Variants in ADAM19 observed in about 807,000 individuals in gnomAD.
ADAM19 encodes disintegrin and metalloproteinase domain-containing protein 19.
In ADAM19, 65 loss-of-function variants were observed where a neutral mutation model predicts 114.7. The observed-to-expected ratio is 0.57, with a 90% CI of 0.46 to 0.70. The LOEUF (loss-of-function observed/expected upper bound fraction) is 0.70, where lower values mean the gene tolerates loss of function less well. ADAM19 is among the 30% of genes least tolerant of loss of function. ADAM19 has a pLI of 0.00. For missense variants in ADAM19, 1,063 were observed against 1,204.7 expected, an observed-to-expected ratio of 0.88 and a Z score of 1.74; for synonymous variants, 466 against 460.5, an observed-to-expected ratio of 1.01 and a Z score of -0.15.
chr5:157,532,305 C>G lies in ADAM19; in HGVS notation c.331-1422G>C, dbSNP rs191563698. 4.6e-5 allele frequency among the ~76,000 whole-genome samples: 7 copies of G among 152,318 alleles called. No individual in the cohort carries two copies. In the East Asian group the frequency reaches 1.4e-3, roughly 29 times the overall value. ...GGCTTATGGTCTTGTGAGAGGCAGT[C>G]ATTAATGAGAAATCCAAACAGATAT... is the stretch of plus-strand genomic sequence containing the variant. On this transcript the variant is annotated intron_variant, in intron 4 of 22. Coordinates refer to ENST00000257527, the MANE Select transcript of ADAM19 (RefSeq NM_033274.5).
chr5:157,505,827 T>G lies in ADAM19; in HGVS notation c.991-19A>C. ...AGTGGTCCTGCTCAGAAGACAGAGT[T>G]GAGGTCAAGGTCAAGGGGACAGATC... On this transcript the variant is annotated intron_variant, in intron 10 of 22. Coordinates refer to ENST00000257527, the MANE Select transcript of ADAM19 (RefSeq NM_033274.5). 5.0e-6 allele frequency: 8 copies of G among 1,611,550 alleles called. No homozygotes were observed. Among genetic ancestry groups the G allele is most frequent in the Non-Finnish European group, 6.8e-6 (8 of 1,178,102 alleles).
chr5:157,565,527 G>A (rs1019452699), intron 2 of ADAM19, among the ~76,000 whole-genome samples: 5 of 151,280 alleles, frequency 3.3e-5, no homozygotes, highest in Admixed American at 6.6e-5. Context: ...TGGCCAACAC[G>A]GTGAAACCCC....
intron 5 of ADAM19, among the ~76,000 whole-genome samples, chr5:157,526,828 C>T (rs1484913912): frequency 6.6e-6 from 1 of 152,056 alleles, no homozygotes; most frequent in Non-Finnish European, 1.5e-5. Flanking sequence ...GCCATGTCGG[C>T]CAGGTTGGTC....
At chr5:157,502,266 C>T (rs1443523618) in intron 12 of ADAM19, among the ~76,000 whole-genome samples, 1 of 152,218 alleles carries the variant, frequency 6.6e-6, no homozygotes, top group East Asian at 1.9e-4. Flanking sequence ...CGTGTACCCT[C>T]CACACTCACT....
chr5:157,489,035 G>GAAAAAAAT, intron 20 of ADAM19, 67 bp downstream of exon 20: 2 of 1,403,362 alleles, frequency 1.4e-6, no homozygotes, highest in Non-Finnish European at 2.0e-6. Context: ...ATCTCAAAAA[G>GAAAAAAAT]AAAAATACAG....
At chr5:157,482,303 GC>G (rs1754780138) in intron 21 of ADAM19, among the ~76,000 whole-genome samples, 1 of 152,062 alleles carries the variant, frequency 6.6e-6, no homozygotes, top group Non-Finnish European at 1.5e-5. Flanking sequence ...GGGGATATTA[GC>G]CCTCTGTCAG....
In ADAM19 at chr5:157,506,907, A is replaced by C. The variant is rs1429764980; in HGVS notation, c.990+149T>G. The C allele has an allele frequency of 7.7e-6, 5 of 647,456 alleles. No individual in the cohort carries two copies. In the African/African-American group the frequency reaches 9.2e-5, roughly 12 times the overall value. 40.1% of individuals were successfully genotyped at this position (647,456 alleles called of 1,614,324 possible). A position where few individuals can be genotyped will look rare whatever the true frequency, so the allele number is the denominator to read the frequency against. On this transcript the variant is annotated intron_variant, in intron 10 of 22. Coordinates refer to ENST00000257527, the MANE Select transcript of ADAM19 (RefSeq NM_033274.5). ...CAGTACCTCCATCTCTTAGAACTTA[A>C]TGACTTCATTTTAAACAATTGCCCT...
chr5:157,544,882 T>C (rs2113771725), intron 3 of ADAM19, among the ~76,000 whole-genome samples: 1 of 152,032 alleles, frequency 6.6e-6, no homozygotes, highest in South Asian at 2.1e-4. Context: ...GAAAGACGAA[T>C]GTAAGAGGGT....
chr5:157,538,179 A>G (rs1327643309), intron 3 of ADAM19, among the ~76,000 whole-genome samples, 188 bp from the exon 4 acceptor site: 1 of 152,156 alleles, frequency 6.6e-6, no homozygotes, highest in African/African-American at 2.4e-5. Flanking sequence ...TTTATATTTA[A>G]TGTAAATTAA....
intron 14 of ADAM19, among the ~76,000 whole-genome samples, chr5:157,495,790 C>T (rs907250614): frequency 1.3e-5 from 2 of 152,084 alleles, no homozygotes; most frequent in South Asian, 2.1e-4. Context: ...TCCACCACCA[C>T]GCCTGGCTAA....
At position 157,520,043 on chromosome 5, in the gene ADAM19, A is replaced by G. The variant is rs1468421769; in HGVS notation, c.408-12T>C. On this transcript the variant is annotated splice_polypyrimidine_tract_variant and intron_variant, in intron 5 of 22. Coordinates refer to ENST00000257527, the MANE Select transcript of ADAM19 (RefSeq NM_033274.5). ...CCGTAATCAGTCCTCTGTTGAGAGGAGAAATAGAATCTCTGGTCAAAGATT... is the reference window on the plus strand; with the variant it reads ...CCGTAATCAGTCCTCTGTTGAGAGGGGAAATAGAATCTCTGGTCAAAGATT... 1 of 1,595,940 alleles carries G rather than the reference A, an allele frequency of 6.3e-7. No homozygotes were observed. The highest frequency in any genetic ancestry group is 1.1e-5 in the South Asian group (1 of 89,832).
At chr5:157,563,418 T>C (rs1319843609) in intron 3 of ADAM19, among the ~76,000 whole-genome samples, 1 of 152,178 alleles carries the variant, frequency 6.6e-6, no homozygotes, top group African/African-American at 2.4e-5. Flanking sequence ...AATTATATTC[T>C]CCCTTTCCAC....
rs36056270 is a variant in ADAM19 at position 157,478,290 on chromosome 5, C to CAA, written c.*2657_*2658dup. ...CAGCAAACAGCCCCTCCCCTGGAGA[C>CAA]AAAAAAAAAAAAAAAAAAAAAAAGG... On this transcript the variant is annotated 3_prime_UTR_variant, in exon 23 of 23. Transcript: ENST00000257527. 515 of 69,348 alleles carry CAA rather than the reference C, an allele frequency of 7.4e-3. 6 individuals are homozygous for CAA. In the East Asian group the frequency reaches 0.093, roughly 13 times the overall value. The allele number at this position is 69,348 out of a possible 1,614,324, so 4.3% of individuals were successfully genotyped here.
chr5:157,531,342 T>C (rs542542436), intron 4 of ADAM19, among the ~76,000 whole-genome samples: 152 of 152,222 alleles, frequency 1.0e-3, no homozygotes, highest in Non-Finnish European at 1.9e-3. Flanking sequence ...TATTTGGAAA[T>C]AGGGTCTTGC....
At position 157,480,084 on chromosome 5, in the gene ADAM19, C is replaced by A. The variant is rs545119162; in HGVS notation, c.*865G>T. The stretch of plus-strand genomic sequence containing the variant: ...CACAAGCACCTGGTCACCCGAAGGT[C>A]AGGACTGCTGAGGGTTTGCTCACCA... On this transcript the variant is annotated 3_prime_UTR_variant, in exon 23 of 23. Coordinates refer to ENST00000257527, the MANE Select transcript of ADAM19 (RefSeq NM_033274.5). 2.0e-6 allele frequency: 2 copies of A among 985,916 alleles called. No homozygotes were observed. Among genetic ancestry groups the A allele is most frequent in the South Asian group, 9.4e-5 (2 of 21,282 alleles). The allele number at this position is 985,916 out of a possible 1,614,324, so 61.1% of individuals were successfully genotyped here. A position where few individuals can be genotyped will look rare whatever the true frequency, so the allele number is the denominator to read the frequency against.
At chr5:157,566,531 C>A (rs545532011) in intron 2 of ADAM19, 4 of 152,298 alleles carry the variant, frequency 2.6e-5, no homozygotes, top group African/African-American at 7.2e-5. Context: ...AAAACCAAGT[C>A]ATAATAAATC....
intron 5 of ADAM19, among the ~76,000 whole-genome samples, chr5:157,529,337 G>A (rs1756561705): frequency 6.6e-6 from 1 of 150,866 alleles, no homozygotes; most frequent in Non-Finnish European, 1.5e-5. Flanking sequence ...AAAAAAAAGA[G>A]GAGGGAGATT....
At chr5:157,505,551 T>C in intron 11 of ADAM19, 118 bp downstream of exon 11, 1 of 1,162,218 alleles carries the variant, frequency 8.6e-7, no homozygotes, top group Non-Finnish European at 1.2e-6. Flanking sequence ...ACTACATTTT[T>C]TGGCCCCATC....
Position 157,480,438 on chromosome 5 carries a change from A to G in ADAM19, c.*511T>C. ...TCAACCAAGCCCTGGGCAGGGCCAC[A>G]GCAGTGGCTGGCTTGACCCTTCCTT... is the stretch of plus-strand genomic sequence containing the variant. On this transcript the variant is annotated 3_prime_UTR_variant, in exon 23 of 23. Transcript: ENST00000257527. The G allele has an allele frequency of 1.0e-6, 1 of 990,414 alleles. No homozygotes were observed. Among genetic ancestry groups the G allele is most frequent in the Non-Finnish European group, 1.2e-6 (1 of 833,194 alleles). 61.4% of individuals were successfully genotyped at this position (990,414 alleles called of 1,614,324 possible).
Sources: allele counts gnomAD v4.1 joint callset (sites outside exome capture counted in the v4.1 genomes callset), GRCh38; gene constraint gnomAD v4.1.1; transcripts MANE v1.5; gene names NCBI Gene and HGNC (gene_info 2026-07-23, HGNC 2026-07-21).